FBXL5: variants seen among roughly 807,000 people sequenced by gnomAD.
FBXL5 encodes the protein F-box/LRR-repeat protein 5.
FBXL5 carries 26 observed loss-of-function variants against 78.3 expected under a neutral mutation model. The observed-to-expected ratio is 0.33, with a 90% CI of 0.24 to 0.46. The LOEUF is 0.46. Ranked by LOEUF, FBXL5 falls within the 20% of genes least tolerant of loss-of-function variation. The probability of loss-of-function intolerance (pLI) is 1.00; values close to 1 mark genes in which losing one functional copy is unlikely to be tolerated. For missense variants in FBXL5, 710 were observed against 829.2 expected (o/e 0.86, Z 1.77); for synonymous variants, 295 against 282.5 (o/e 1.04, Z -0.45).
At chr4:15,651,559 T>C (rs565698261) in intron 1 of FBXL5, among the ~76,000 whole-genome samples, 1 of 152,134 alleles carries the variant, frequency 6.6e-6, no homozygotes, top group Admixed American at 6.5e-5. Context: ...AGTCAATAAA[T>C]TGTTACAGGT....
chr4:15,673,099 T>G lies in FBXL5; in HGVS notation c.-284+8284A>C. 1.3e-5 allele frequency among the ~76,000 whole-genome samples: 2 copies of G among 152,142 alleles called. 1 individual carries two copies. The highest frequency in any genetic ancestry group is 2.9e-5 in the Non-Finnish European group (2 of 68,026). The stretch of plus-strand genomic sequence containing the variant: ...ACTTTGAAGGATCTGTCTGAAGTTG[T>G]TTTACGGTTAACTTTTGAAAATATA... On this transcript the variant is annotated intron_variant, in intron 1 of 4. Transcript: ENST00000507899.
chr4:15,656,846 T>G (rs1320264933), upstream of FBXL5, among the ~76,000 whole-genome samples: 1 of 151,966 alleles, frequency 6.6e-6, no homozygotes, highest in Non-Finnish European at 1.5e-5. Flanking sequence ...CTCTATGAGG[T>G]AGTGCTGCAG....
chr4:15,630,936 T>C (rs1305123364), intron 5 of FBXL5, 145 bp from the exon 6 acceptor site: 2 of 1,006,986 alleles, frequency 2.0e-6, no homozygotes, highest in African/African-American at 3.3e-5. Flanking sequence ...TTTTTAATAC[T>C]TTTAAGTTCT....
At chr4:15,640,689 A>T in intron 3 of FBXL5, 99 bp downstream of exon 3, 2 of 571,936 alleles carry the variant, frequency 3.5e-6, no homozygotes, top group Non-Finnish European at 6.1e-6. Flanking sequence ...TCCATCAACC[A>T]GATACATCTT....
chr4:15,626,046 G>A, intron 8 of FBXL5, 69 bp from the exon 9 acceptor site: 3 of 1,346,482 alleles, frequency 2.2e-6, no homozygotes, highest in South Asian at 1.5e-5. Context: ...CTATATGCAT[G>A]TAGATGAAAA....
chr4:15,634,135 A>C (rs1223337762), intron 5 of FBXL5, among the ~76,000 whole-genome samples: 1 of 152,214 alleles, frequency 6.6e-6, no homozygotes, highest in Non-Finnish European at 1.5e-5. Flanking sequence ...AATTTGATTG[A>C]GAACCACTCA....
At chr4:15,610,843 TA>T (rs1722204709) in intron 10 of FBXL5, among the ~76,000 whole-genome samples, 1 of 152,088 alleles carries the variant, frequency 6.6e-6, no homozygotes, top group Non-Finnish European at 1.5e-5. Context: ...TTTTTTCTGA[TA>T]AAAAACAATT....
At chr4:15,653,191 A>C (rs1716345866) in intron 1 of FBXL5, among the ~76,000 whole-genome samples, 1 of 152,186 alleles carries the variant, frequency 6.6e-6, no homozygotes, top group South Asian at 2.1e-4. Context: ...CAATCTCATT[A>C]ACTATATCTA....
intron 9 of FBXL5, among the ~76,000 whole-genome samples, chr4:15,621,638 T>C (rs899426227): frequency 6.6e-6 from 1 of 152,170 alleles, no homozygotes; most frequent in Non-Finnish European, 1.5e-5. Context: ...GGACAAGTAT[T>C]GTATGATTCC....
rs1234460581 is a variant in FBXL5, at chr4:15,625,864, G to C, written c.1238C>G (p.Ser413Cys). 3.7e-6 allele frequency: 6 copies of C among 1,614,092 alleles called. No homozygotes were observed. The African/African-American group carries it at 6.7e-5, about 18-fold the overall frequency. The change falls in exon 9 of 11, where the codon TCT (serine) becomes TGT (cysteine). Residue 413 changes from serine (S) to cysteine (C), a missense_variant. Ser to Cys is a moderately radical substitution (Grantham distance 112). Transcript: ENST00000341285. ...KISRALGILTSHQSGFLKTST... is the reference protein window; with the variant it reads ...KISRALGILTCHQSGFLKTST... ...TGTTTTCAAAAAGCCACTTTGATGA[G>C]ATGTCAGAATTCCAAGAGCTCTGGA...
intron 1 of FBXL5, among the ~76,000 whole-genome samples, chr4:15,677,275 A>T (rs1718029256): frequency 6.6e-6 from 1 of 152,200 alleles, no homozygotes; most frequent in Admixed American, 6.5e-5. Context: ...AATAAAAAAT[A>T]TATTTATTCT....
chr4:15,612,624 A>G (rs1244128466), intron 9 of FBXL5, among the ~76,000 whole-genome samples: 1 of 152,148 alleles, frequency 6.6e-6, no homozygotes, highest in Admixed American at 6.5e-5. Context: ...ACAACATTCA[A>G]TAAAGAAATC....
chr4:15,641,707 T>C (rs1400560212), intron 2 of FBXL5: 2 of 434,672 alleles, frequency 4.6e-6, no homozygotes, highest in Admixed American at 2.6e-5. Flanking sequence ...CTAATCCCCA[T>C]GTTGTTCAAG....
chr4:15,625,853 C>A lies in FBXL5; in HGVS notation c.1249G>T (p.Gly417Cys), dbSNP rs368780619. The A allele has an allele frequency of 5.5e-5, 89 of 1,613,910 alleles. No homozygotes were observed. The African/African-American group carries it at 1.0e-3, about 18-fold the overall frequency. ...TTGCTTGTAGATGTTTTCAAAAAGCCACTTTGATGAGATGTCAGAATTCCA... is the reference window on the plus strand; with the variant it reads ...TTGCTTGTAGATGTTTTCAAAAAGCAACTTTGATGAGATGTCAGAATTCCA... The part of the protein sequence containing the change: ...ALGILTSHQS[G>C]FLKTSTSKIT... Residue 417 changes from glycine (G) to cysteine (C), a missense_variant, in exon 9 of 11, where the codon GGC becomes TGC. Coordinates refer to ENST00000341285, the MANE Select transcript of FBXL5 (RefSeq NM_012161.4).
At chr4:15,646,792 G>A (rs554638750) in intron 1 of FBXL5, among the ~76,000 whole-genome samples, 52 of 149,488 alleles carry the variant, frequency 3.5e-4, no homozygotes, top group Admixed American at 1.2e-3. Flanking sequence ...GAGAACATGC[G>A]GTGTTTGGTT....
chr4:15,643,930 G>A (rs1295838515), intron 2 of FBXL5, among the ~76,000 whole-genome samples: 1 of 152,178 alleles, frequency 6.6e-6, no homozygotes, highest in Non-Finnish European at 1.5e-5. Flanking sequence ...TTATTAAACA[G>A]TAATAAAGAG....
At position 15,625,173 on chromosome 4, in the gene FBXL5, G is replaced by A. The variant is rs1001863021; in HGVS notation, c.1850+79C>T. 5.8e-5 allele frequency: 85 copies of A among 1,457,896 alleles called. 4 individuals are homozygous for A. In the Middle Eastern group the frequency reaches 1.5e-3, roughly 26 times the overall value. 90.3% of individuals were successfully genotyped at this position (1,457,896 alleles called of 1,614,324 possible). Reference sequence around the variant, plus strand: ...GCTAAGTAAATCAACTGAAAAGAATGACTTAGATCAAAATTTTTATATTCC... The same window carrying A: ...GCTAAGTAAATCAACTGAAAAGAATAACTTAGATCAAAATTTTTATATTCC... On this transcript the variant is annotated intron_variant, in intron 9 of 10. Coordinates refer to ENST00000341285, the MANE Select transcript of FBXL5 (RefSeq NM_012161.4).
chr4:15,655,411 G>C (rs1288002615), upstream of FBXL5: 2 of 1,011,604 alleles, frequency 2.0e-6, no homozygotes, highest in African/African-American at 1.8e-5. Flanking sequence ...CGCGCGCCCG[G>C]TCGGCTTGGC....
chr4:15,642,135 G>C (rs1247177698), intron 2 of FBXL5, among the ~76,000 whole-genome samples: 1 of 151,850 alleles, frequency 6.6e-6, no homozygotes, highest in South Asian at 2.1e-4. Context: ...TCTAATTCTG[G>C]GCAATTCTAA....
Sources: gnomAD v4.1 joint callset for allele counts (sites outside exome capture counted in the v4.1 genomes callset) on GRCh38, gnomAD v4.1.1 for gene constraint, MANE v1.5 for transcripts, NCBI Gene and HGNC (gene_info 2026-07-23, HGNC 2026-07-21) for gene names.